SLC22A17: variants seen among roughly 807,000 people sequenced by gnomAD.
The protein encoded by SLC22A17 is solute carrier family 22 member 17.
Under a neutral mutation model 53.6 loss-of-function variants are expected in SLC22A17, and 38 were observed. That is an observed-to-expected ratio of 0.71 (90% confidence interval 0.55 to 0.93). The LOEUF is 0.93. Ranked by LOEUF, SLC22A17 falls within the 40% of genes least tolerant of loss-of-function variation. The pLI is 0.00. For synonymous variants in SLC22A17, 379 were observed against 353.0 expected, an observed-to-expected ratio of 1.07 and a Z score of -0.82; for missense variants, 704 against 791.0, an observed-to-expected ratio of 0.89 and a Z score of 1.32.
At chr14:23,346,385 G>A (rs1343864910) in exon 10 of SLC22A17, 1 of 441,514 alleles carries the variant, frequency 2.3e-6, no homozygotes, top group Non-Finnish European at 4.0e-6. Flanking sequence ...GGTCTGGGTG[G>A]ATGTCTTTGG....
chr14:23,352,513 A>G lies in SLC22A17; in HGVS notation c.97-62T>C. Reference sequence around the variant, plus strand: ...GCGGAGGAAACCGCAGAGCAAGGGCAGGGGGCAGGTGGGAGGGAGGGCTAG... The same window carrying G: ...GCGGAGGAAACCGCAGAGCAAGGGCGGGGGGCAGGTGGGAGGGAGGGCTAG... On this transcript the variant is annotated intron_variant, in intron 1 of 9. Transcript: ENST00000397267. This position sits in a 1 kb window ranked among gnomAD's most constrained non-coding sequence, Gnocchi z 7.2. The G allele has an allele frequency of 2.4e-6, 1 of 420,242 alleles. No homozygotes were observed. Among genetic ancestry groups the G allele is most frequent in the Non-Finnish European group, 4.2e-6 (1 of 240,452 alleles). The allele number at this position is 420,242 out of a possible 1,614,324, so 26.0% of individuals were successfully genotyped here.
At position 23,348,947 on chromosome 14, in the gene SLC22A17, C is replaced by T. The variant is rs187760068; in HGVS notation, c.860-276G>A. The T allele has an allele frequency of 1.5e-5, 9 of 591,642 alleles. No homozygotes were observed. In the East Asian group the frequency reaches 1.7e-4, roughly 11 times the overall value. 36.6% of individuals were successfully genotyped at this position (591,642 alleles called of 1,614,324 possible). ...ATTTATAGGCCCTTTCCCATCAGGC[C>T]TCTTATTTGACCTTCACATCAACCC... On this transcript the variant is annotated intron_variant, in intron 4 of 9. Transcript: ENST00000397267. This position sits in a 1 kb window ranked among gnomAD's most constrained non-coding sequence, Gnocchi z 4.5.
intron 3 of SLC22A17, chr14:23,349,631 GTTCT>G (rs1566481892): frequency 3.3e-6 from 2 of 610,296 alleles, no homozygotes; most frequent in Admixed American, 6.0e-5. Flanking sequence ...TGTGGTTGTG[GTTCT>G]TTAAGAGGTG....
At chr14:23,351,685 G>T in intron 3 of SLC22A17, 67 bp downstream of exon 3, 1 of 1,420,032 alleles carries the variant, frequency 7.0e-7, no homozygotes, top group Non-Finnish European at 9.7e-7. Flanking sequence ...GTAAACGCCC[G>T]CTGCTTGGGT....
In SLC22A17 at chr14:23,348,239, A is replaced by G. The variant is rs754030700; in HGVS notation, c.1093T>C (p.Ser365Pro). 1 of 1,614,086 alleles carries G rather than the reference A, an allele frequency of 6.2e-7. No homozygotes were observed. Among genetic ancestry groups the G allele is most frequent in the South Asian group, 1.1e-5 (1 of 91,080 alleles). The stretch of plus-strand genomic sequence containing the variant: ...CGCTCAGCCAGGATCCTCAGCACAG[A>G]CTGAGCCTCCTCAATCTGCCGCTTC... The change falls in exon 6 of 10, where the codon TCT (serine) becomes CCT (proline). Residue 365 changes from serine to proline, a missense_variant. Physicochemically the swap from Ser to Pro is moderately conservative, Grantham distance 74 (BLOSUM62 -1). Coordinates refer to ENST00000397267, the Ensembl canonical transcript of SLC22A17. The surrounding 1 kb of genome is among the most constrained non-coding windows in gnomAD (Gnocchi z 4.5).
Position 23,348,937 on chromosome 14 carries a change from C to A in SLC22A17, c.860-266G>T. 1.7e-6 allele frequency: 1 copy of A among 592,382 alleles called. No individual in the cohort carries two copies. The highest frequency in any genetic ancestry group is 3.0e-5 in the Admixed American group (1 of 33,366). The allele number at this position is 592,382 out of a possible 1,614,324, so 36.7% of individuals were successfully genotyped here. A position where few individuals can be genotyped will look rare whatever the true frequency, so the allele number is the denominator to read the frequency against. ...AACATTTCCAATTTATAGGCCCTTTCCCATCAGGCCTCTTATTTGACCTTC... is the reference window on the plus strand; with the variant it reads ...AACATTTCCAATTTATAGGCCCTTTACCATCAGGCCTCTTATTTGACCTTC... On this transcript the variant is annotated intron_variant, in intron 4 of 9. Coordinates refer to ENST00000397267, the Ensembl canonical transcript of SLC22A17. This position sits in a 1 kb window ranked among gnomAD's most constrained non-coding sequence, Gnocchi z 4.5.
Position 23,348,757 on chromosome 14 carries a change from G to C in SLC22A17, c.860-86C>G. The C allele has an allele frequency of 7.3e-7, 1 of 1,364,956 alleles. No homozygotes were observed. Among genetic ancestry groups the C allele is most frequent in the African/African-American group, 1.5e-5 (1 of 68,606 alleles). 84.6% of individuals were successfully genotyped at this position (1,364,956 alleles called of 1,614,324 possible). A position where few individuals can be genotyped will look rare whatever the true frequency, so the allele number is the denominator to read the frequency against. On this transcript the variant is annotated intron_variant, in intron 4 of 9. Coordinates refer to ENST00000397267, the Ensembl canonical transcript of SLC22A17. This position sits in a 1 kb window ranked among gnomAD's most constrained non-coding sequence, Gnocchi z 4.5. Reference sequence around the variant, plus strand: ...GAGAAGAAGAAAGAGGGAGGGAGGAGGACAGAGAGAGAGGTCAGACCCAGA... The same window carrying C: ...GAGAAGAAGAAAGAGGGAGGGAGGACGACAGAGAGAGAGGTCAGACCCAGA...
intron 3 of SLC22A17, chr14:23,351,297 G>T (rs1209304148): frequency 1.3e-5 from 2 of 159,438 alleles, no homozygotes; most frequent in Non-Finnish European, 2.7e-5. Context: ...GACTTGTAGG[G>T]GAGGGGTCGC....
rs754473602 is a variant in SLC22A17, at chr14:23,346,872, G to T, written c.1726C>A (p.Arg576Ser). 384 of 1,538,156 alleles carry T rather than the reference G, an allele frequency of 2.5e-4. No individual in the cohort carries two copies. The highest frequency in any genetic ancestry group is 3.1e-4 in the Non-Finnish European group (354 of 1,149,020). Residue 576 changes from arginine to serine, a missense_variant, in exon 10 of 10, where the codon CGC becomes AGC. Physicochemically the swap from Arg to Ser is moderately radical, Grantham distance 110. Transcript: ENST00000397267. The stretch of plus-strand genomic sequence containing the variant: ...AAGGCTCCATGGCCCATGTGGAGGC[G>T]CTGGGCCGGGCCGCTCAGTCCTCCA...
chr14:23,351,090 T>G (rs1889595543), intron 3 of SLC22A17: 1 of 152,166 alleles, frequency 6.6e-6, no homozygotes, highest in Admixed American at 6.5e-5. Context: ...GGGATTGGGT[T>G]GTTGATCTCT....
At chr14:23,351,688 G>A in intron 3 of SLC22A17, 64 bp downstream of exon 3, 1 of 1,451,890 alleles carries the variant, frequency 6.9e-7, no homozygotes, top group Non-Finnish European at 9.5e-7. Flanking sequence ...AACGCCCGCT[G>A]CTTGGGTTAG....
Position 23,352,100 on chromosome 14 carries a change from C to T in SLC22A17, c.448G>A (p.Ala150Thr). ...GCGCTGGCTGCTAGGGCAGCGCTGGCGACGCTGACGCCGCTGGCATTGGGA... is the reference window on the plus strand; with the variant it reads ...GCGCTGGCTGCTAGGGCAGCGCTGGTGACGCTGACGCCGCTGGCATTGGGA... The change falls in exon 2 of 10, where the codon GCC becomes ACC. Residue 150 changes from alanine (A) to threonine (T), a missense_variant. Physicochemically the swap from Ala to Thr is moderately conservative, Grantham distance 58. Transcript: ENST00000397267. The surrounding 1 kb of genome is among the most constrained non-coding windows in gnomAD (Gnocchi z 7.2). 1.3e-6 allele frequency: 2 copies of T among 1,584,224 alleles called. No homozygotes were observed. The highest frequency in any genetic ancestry group is 1.7e-6 in the Non-Finnish European group (2 of 1,166,582).
At chr14:23,350,000 C>A (rs762517592) in intron 3 of SLC22A17, among the ~76,000 whole-genome samples, 4 of 152,098 alleles carry the variant, frequency 2.6e-5, no homozygotes, top group Non-Finnish European at 5.9e-5. Flanking sequence ...GGACATTGGT[C>A]TATTAATACA....
chr14:23,347,841 C>T lies in SLC22A17; in HGVS notation c.1277+50G>A, dbSNP rs563280859. On this transcript the variant is annotated intron_variant, in intron 7 of 9. Coordinates refer to ENST00000397267, the Ensembl canonical transcript of SLC22A17. This position sits in a 1 kb window ranked among gnomAD's most constrained non-coding sequence, Gnocchi z 5.1. ...TCCCCGGGCCTTCCCACCCAGCCAG[C>T]CCCCATTCCAGCTACTGGCCTGGCC... The T allele has an allele frequency of 1.5e-4, 236 of 1,611,192 alleles. No homozygotes were observed. Among genetic ancestry groups the T allele is most frequent in the Non-Finnish European group, 1.9e-4 (222 of 1,177,600 alleles).
intron 3 of SLC22A17, 161 bp downstream of exon 3, chr14:23,351,591 G>A (rs1889622998): frequency 3.3e-6 from 2 of 609,148 alleles, no homozygotes; most frequent in Non-Finnish European, 5.8e-6. Flanking sequence ...TTTCTTGATG[G>A]AGAGTGAAGT....
intron 3 of SLC22A17, chr14:23,351,060 G>A (rs950280957): frequency 6.6e-6 from 1 of 152,210 alleles, no homozygotes; most frequent in Non-Finnish European, 1.5e-5. Context: ...TTTGATCTGT[G>A]GGAAGAGTTA....
intron 3 of SLC22A17, among the ~76,000 whole-genome samples, chr14:23,350,197 G>A (rs537972975): frequency 3.9e-5 from 6 of 152,194 alleles, no homozygotes; most frequent in South Asian, 2.1e-4. Flanking sequence ...TCAGCTACTC[G>A]GGAGGCTGAG....
chr14:23,347,558 G>C lies in SLC22A17; in HGVS notation c.1451C>G (p.Thr484Ser). 6.2e-7 allele frequency: 1 copy of C among 1,614,088 alleles called. No homozygotes were observed. ...GACCAGGGAAGCAATGCCGGTAAGGGTCATGGAGAGAAGAAGGATGCCCCG... is the reference window on the plus strand; with the variant it reads ...GACCAGGGAAGCAATGCCGGTAAGGCTCATGGAGAGAAGAAGGATGCCCCG... Residue 484 changes from threonine (T) to serine (S), a missense_variant, in exon 8 of 10, where the codon ACC becomes AGC. Coordinates refer to ENST00000397267, the Ensembl canonical transcript of SLC22A17. The surrounding 1 kb of genome is among the most constrained non-coding windows in gnomAD (Gnocchi z 5.1).
At chr14:23,346,480 G>A (rs1889180009) in exon 10 of SLC22A17, 3 of 824,138 alleles carry the variant, frequency 3.6e-6, no homozygotes, top group Non-Finnish European at 5.4e-6. Context: ...TGAATGCAAA[G>A]CAGCAGGGAG....
Sources: allele counts gnomAD v4.1 joint callset (sites outside exome capture counted in the v4.1 genomes callset), GRCh38; gene constraint gnomAD v4.1.1; non-coding constraint Gnocchi (gnomAD v3.1); transcripts MANE v1.5; gene names NCBI Gene and HGNC (gene_info 2026-07-23, HGNC 2026-07-21).